Variants in MBNL1 observed in about 807,000 individuals in gnomAD.
The protein encoded by MBNL1 is muscleblind like splicing regulator 1.
MBNL1 carries 8 observed loss-of-function variants against 42.2 expected under a neutral mutation model. The ratio of observed to expected loss-of-function variants is 0.19; its 90% CI spans 0.11 to 0.34. The LOEUF is 0.34. Ranked by LOEUF, MBNL1 falls within the 10% of genes least tolerant of loss-of-function variation. MBNL1 has a pLI of 1.00. For missense variants in MBNL1, 309 were observed against 495.3 expected (o/e 0.62, Z 3.57); for synonymous variants, 169 against 173.9 (o/e 0.97, Z 0.22).
chr3:152,320,683 CT>C (rs528500683), intron 2 of MBNL1, among the ~76,000 whole-genome samples: 1,388 of 128,918 alleles, frequency 0.011, 5 homozygotes, highest in African/African-American at 0.026. Flanking sequence ...TTTTTTCTTT[CT>C]TTTTTTTTTT....
chr3:152,359,064 A>G (rs1260535229), intron 2 of MBNL1, among the ~76,000 whole-genome samples: 3 of 152,244 alleles, frequency 2.0e-5, no homozygotes, highest in Non-Finnish European at 4.4e-5. Flanking sequence ...TATTTCCCTG[A>G]AGATTAAAAC....
chr3:152,429,658 T>C (rs1029845608), intron 3 of MBNL1, among the ~76,000 whole-genome samples: 1 of 152,184 alleles, frequency 6.6e-6, no homozygotes, highest in African/African-American at 2.4e-5. Context: ...TAATCTGATT[T>C]CTCTGATTAG....
intron 2 of MBNL1, among the ~76,000 whole-genome samples, chr3:152,305,178 T>A (rs1037219780): frequency 6.6e-6 from 1 of 152,154 alleles, no homozygotes; most frequent in Non-Finnish European, 1.5e-5. Context: ...CAATTGCATA[T>A]ATAAGGCTGT....
intron 3 of MBNL1, among the ~76,000 whole-genome samples, chr3:152,425,437 T>C (rs181521518): frequency 6.6e-6 from 1 of 151,922 alleles, no homozygotes; most frequent in Non-Finnish European, 1.5e-5. Context: ...TGAAGCCCTG[T>C]CTCTACTAAA....
intron 2 of MBNL1, among the ~76,000 whole-genome samples, chr3:152,354,193 A>G (rs560451560): frequency 2.0e-5 from 3 of 152,326 alleles, no homozygotes; most frequent in Non-Finnish European, 2.9e-5. Flanking sequence ...GTGGTTTGCT[A>G]TTAAAATATT....
chr3:152,453,075 A>G (rs1726781606), intron 6 of MBNL1, among the ~76,000 whole-genome samples: 1 of 151,814 alleles, frequency 6.6e-6, no homozygotes, highest in African/African-American at 2.4e-5. Context: ...TAAAGAAGGT[A>G]CTGCTTGTTT....
intron 8 of MBNL1, among the ~76,000 whole-genome samples, chr3:152,457,480 TGAA>T (rs1736026797): frequency 6.6e-6 from 1 of 152,258 alleles, no homozygotes; most frequent in Non-Finnish European, 1.5e-5. Context: ...GTACTGTTGA[TGAA>T]GAACATTCAG....
intron 6 of MBNL1, among the ~76,000 whole-genome samples, chr3:152,450,350 C>T (rs1284004845): frequency 6.6e-6 from 1 of 152,044 alleles, no homozygotes; most frequent in Non-Finnish European, 1.5e-5. Flanking sequence ...TACCTGCATT[C>T]ACAAAAATTG....
intron 2 of MBNL1, among the ~76,000 whole-genome samples, chr3:152,379,567 A>C (rs916538907): frequency 1.3e-5 from 2 of 152,188 alleles, no homozygotes; most frequent in Non-Finnish European, 2.9e-5. Flanking sequence ...ATGTCACTAC[A>C]CGTTCTTATA....
chr3:152,261,125 GC>G (rs2036186598), intron 2 of MBNL1, among the ~76,000 whole-genome samples: 1 of 152,134 alleles, frequency 6.6e-6, no homozygotes, highest in South Asian at 2.1e-4. Flanking sequence ...AACCTTGGCT[GC>G]GCTTTGAAAT....
intron 1 of MBNL1, among the ~76,000 whole-genome samples, chr3:152,283,160 G>A (rs1218320868): frequency 2.0e-5 from 3 of 152,152 alleles, no homozygotes; most frequent in Non-Finnish European, 4.4e-5. Context: ...TGCAGTAACT[G>A]AGTTTTTTAA....
At chr3:152,246,079 G>A (rs73869976) in intron 2 of MBNL1, among the ~76,000 whole-genome samples, 3,344 of 152,186 alleles carry the variant, frequency 0.022, 105 homozygotes, top group African/African-American at 0.077. Context: ...GCCAGATTCT[G>A]TCTCTAAAAA....
chr3:152,327,432 C>T (rs1422548594), intron 2 of MBNL1, among the ~76,000 whole-genome samples: 4 of 152,100 alleles, frequency 2.6e-5, no homozygotes, highest in Non-Finnish European at 5.9e-5. Flanking sequence ...ACTGCAACCG[C>T]CGCCTCCTAG....
chr3:152,314,585 G>T (rs959146177), intron 2 of MBNL1, among the ~76,000 whole-genome samples: 1 of 152,146 alleles, frequency 6.6e-6, no homozygotes, highest in African/African-American at 2.4e-5. Flanking sequence ...TTGTTGGTCA[G>T]GCTGGTCTTG....
intron 3 of MBNL1, among the ~76,000 whole-genome samples, chr3:152,423,555 AAG>A (rs1428031786): frequency 6.6e-6 from 1 of 152,206 alleles, no homozygotes; most frequent in Non-Finnish European, 1.5e-5. Context: ...ACAATAGAAA[AAG>A]AGGGACTCCT....
intron 2 of MBNL1, among the ~76,000 whole-genome samples, chr3:152,312,052 C>G (rs188388358): frequency 1.3e-5 from 2 of 151,576 alleles, no homozygotes; most frequent in African/African-American, 4.8e-5. Context: ...ATTAGCCGGG[C>G]GTAGTGGCGG....
At position 152,463,679 on chromosome 3, in the gene MBNL1, T is replaced by G. The variant is rs2153988815; in HGVS notation, c.*1313T>G. ...TAACTGCTTATAGCCTTAGAAAGCC[T>G]TTTACAAAATTAAAAAAAAAATAGA... is the stretch of plus-strand genomic sequence containing the variant. On this transcript the variant is annotated 3_prime_UTR_variant, in exon 10 of 10. Transcript: ENST00000324210. 6.6e-6 allele frequency: 1 copy of G among 152,492 alleles called. No homozygotes were observed. The highest frequency in any genetic ancestry group is 3.4e-3 in the Middle Eastern group (1 of 294). The allele number at this position is 152,492 out of a possible 1,614,324, so 9.4% of individuals were successfully genotyped here.
intron 2 of MBNL1, among the ~76,000 whole-genome samples, chr3:152,371,669 C>T (rs2096666723): frequency 6.6e-6 from 1 of 152,182 alleles, no homozygotes; most frequent in Non-Finnish European, 1.5e-5. Context: ...GAGAAATCCA[C>T]TGTTAGTCTG....
chr3:152,332,692 TTGTGTGTGTGTGTGTG>T (rs71144115), intron 2 of MBNL1, among the ~76,000 whole-genome samples: 203 of 132,998 alleles, frequency 1.5e-3, no homozygotes, highest in Middle Eastern at 4.0e-3. Flanking sequence ...TTTCATGGTT[TTGTGTGTGTGTGTGTG>T]TGTGTGTGTG....
Sources: allele counts gnomAD v4.1 joint callset (sites outside exome capture counted in the v4.1 genomes callset), GRCh38; gene constraint gnomAD v4.1.1; transcripts MANE v1.5; gene names NCBI Gene and HGNC (gene_info 2026-07-23, HGNC 2026-07-21).